ZFAND3: variants seen among roughly 807,000 people sequenced by gnomAD.
The protein encoded by ZFAND3 is AN1-type zinc finger protein 3.
ZFAND3 carries 10 observed loss-of-function variants against 29.6 expected under a neutral mutation model. That is an observed-to-expected ratio of 0.34 (90% CI 0.21 to 0.57). The LOEUF (loss-of-function observed/expected upper bound fraction) is 0.57, where lower values mean the gene tolerates loss of function less well. ZFAND3 is among the 20% of genes least tolerant of loss of function. The probability of loss-of-function intolerance (pLI) is 0.86; values close to 1 mark genes in which losing one functional copy is unlikely to be tolerated. For missense variants in ZFAND3, 230 were observed against 304.5 expected, an observed-to-expected ratio of 0.76 and a Z score of 1.82; for synonymous variants, 128 against 112.6, an observed-to-expected ratio of 1.14 and a Z score of -0.87.
chr6:37,836,156 T>C (rs1438530207), intron 1 of ZFAND3, among the ~76,000 whole-genome samples: 2 of 152,204 alleles, frequency 1.3e-5, no homozygotes. Flanking sequence ...CTCTGTGGGA[T>C]AGAAATGGAG....
chr6:38,027,330 G>A (rs1054911782), intron 2 of ZFAND3, among the ~76,000 whole-genome samples: 13 of 152,174 alleles, frequency 8.5e-5, no homozygotes, highest in Admixed American at 2.6e-4. Flanking sequence ...TTCAGAAACC[G>A]CATGGTGGAT....
rs550221129 is a variant in ZFAND3, at chr6:37,959,329, C to T, written c.112+29330C>T. ...GTAGTGATGGTTTCCTGCAGATGCA[C>T]TTAGTCTGACTTCATCAAAATGGAA... On this transcript the variant is annotated intron_variant, in intron 2 of 5. Transcript: ENST00000287218. Among the ~76,000 whole-genome samples, 3 of 152,314 alleles carry T rather than the reference C, an allele frequency of 2.0e-5. No individual in the cohort carries two copies. The South Asian group carries it at 6.2e-4, about 32-fold the overall frequency.
intron 1 of ZFAND3, among the ~76,000 whole-genome samples, chr6:37,928,514 T>C (rs1008950343): frequency 6.6e-6 from 1 of 152,022 alleles, no homozygotes; most frequent in Non-Finnish European, 1.5e-5. Context: ...GAAAAGTCAT[T>C]ATTATTTATT....
intron 5 of ZFAND3, among the ~76,000 whole-genome samples, chr6:38,131,672 G>T (rs889682141): frequency 8.5e-5 from 13 of 152,122 alleles, no homozygotes; most frequent in African/African-American, 2.4e-4. Context: ...CCCCTTCCTT[G>T]CCAGACTCAA....
intron 2 of ZFAND3, among the ~76,000 whole-genome samples, chr6:38,016,673 A>G (rs1763257816): frequency 6.6e-6 from 1 of 152,236 alleles, no homozygotes; most frequent in African/African-American, 2.4e-5. Context: ...ATGGTAAACA[A>G]GAACACATAC....
intron 1 of ZFAND3, among the ~76,000 whole-genome samples, chr6:37,926,816 T>G (rs1038093625): frequency 6.6e-6 from 1 of 152,166 alleles, no homozygotes; most frequent in Non-Finnish European, 1.5e-5. Context: ...GCAAGTTGAT[T>G]ACACTGCTTT....
intron 2 of ZFAND3, among the ~76,000 whole-genome samples, chr6:38,054,830 C>G (rs542897398): frequency 6.6e-6 from 1 of 152,296 alleles, no homozygotes; most frequent in East Asian, 1.9e-4. Context: ...GCTGTTAACC[C>G]AGATTAACAT....
chr6:37,879,638 TAA>T (rs1192988917), intron 1 of ZFAND3, among the ~76,000 whole-genome samples: 1 of 152,346 alleles, frequency 6.6e-6, no homozygotes. Flanking sequence ...GTGAATATTT[TAA>T]AAGAGTATTC....
At chr6:38,010,365 T>C (rs1283346764) in intron 2 of ZFAND3, among the ~76,000 whole-genome samples, 1 of 152,144 alleles carries the variant, frequency 6.6e-6, no homozygotes, top group African/African-American at 2.4e-5. Flanking sequence ...CCCCTTACCA[T>C]CCTTCTAATG....
chr6:38,064,382 C>T (rs914000481), intron 3 of ZFAND3, among the ~76,000 whole-genome samples: 11 of 152,316 alleles, frequency 7.2e-5, no homozygotes, highest in African/African-American at 2.2e-4. Context: ...TAGATAGTGT[C>T]ATTATACTCA....
At chr6:37,942,143 GA>G (rs1217773002) in intron 2 of ZFAND3, among the ~76,000 whole-genome samples, 2 of 152,122 alleles carry the variant, frequency 1.3e-5, no homozygotes, top group Non-Finnish European at 2.9e-5. Context: ...AGTGGTTACT[GA>G]GTAAGAGTAT....
At chr6:38,125,346 C>T (rs1234608215) in intron 5 of ZFAND3, among the ~76,000 whole-genome samples, 1 of 152,160 alleles carries the variant, frequency 6.6e-6, no homozygotes, top group Non-Finnish European at 1.5e-5. Flanking sequence ...ACACGAACTC[C>T]ATGTATTTAG....
chr6:37,987,220 C>T (rs1339751144), intron 2 of ZFAND3, among the ~76,000 whole-genome samples: 3 of 152,096 alleles, frequency 2.0e-5, no homozygotes, highest in Non-Finnish European at 4.4e-5. Flanking sequence ...GAGAGAAATT[C>T]ATTTTTGTGA....
At position 37,900,108 on chromosome 6, in the gene ZFAND3, A is replaced by G. The variant is rs544780960; in HGVS notation, c.72-29851A>G. ...ATTCAGCATACTTTAGTCTCTTTTT[A>G]TGGACATTTAGGTTATTACCAATCT... is the stretch of plus-strand genomic sequence containing the variant. On this transcript the variant is annotated intron_variant, in intron 1 of 5. Transcript: ENST00000287218. 4.8e-4 allele frequency among the ~76,000 whole-genome samples: 73 copies of G among 152,212 alleles called. 2 individuals are homozygous for G. In the South Asian group the frequency reaches 0.015, roughly 31 times the overall value.
At chr6:38,143,563 C>T (rs9470798) in intron 5 of ZFAND3, among the ~76,000 whole-genome samples, 3 of 152,208 alleles carry the variant, frequency 2.0e-5, no homozygotes, top group Non-Finnish European at 2.9e-5. Flanking sequence ...GATTGCTTCT[C>T]TTTTAAAGCT....
chr6:38,092,141 G>T (rs935298298), intron 4 of ZFAND3, among the ~76,000 whole-genome samples: 4 of 152,138 alleles, frequency 2.6e-5, no homozygotes, highest in African/African-American at 9.7e-5. Flanking sequence ...TCATAATCAT[G>T]GCCGATTAAA....
chr6:37,854,775 C>CG (rs1491066288), intron 1 of ZFAND3, among the ~76,000 whole-genome samples: 12 of 121,080 alleles, frequency 9.9e-5, no homozygotes, highest in African/African-American at 3.6e-4. Flanking sequence ...CCCCCCCCCC[C>CG]CTTTTTTTTT....
intron 1 of ZFAND3, among the ~76,000 whole-genome samples, chr6:37,898,583 A>G (rs1258057271): frequency 6.6e-6 from 1 of 152,234 alleles, no homozygotes; most frequent in Non-Finnish European, 1.5e-5. Flanking sequence ...GAATCTAAGC[A>G]TAGTATATAT....
In ZFAND3 at chr6:38,078,373, A is replaced by G. The variant is rs74886887; in HGVS notation, c.296-4019A>G. ...AAACTTTAAATTGTTGAAACTTGAC[A>G]TTTTTTAAGGAAAAAGTCCTCTGAA... is the stretch of plus-strand genomic sequence containing the variant. On this transcript the variant is annotated intron_variant, in intron 3 of 5. Coordinates refer to ENST00000287218, the MANE Select transcript of ZFAND3 (RefSeq NM_021943.3). Among the ~76,000 whole-genome samples the G allele has an allele frequency of 7.8e-4, 119 of 152,360 alleles. 1 individual carries two copies. In the East Asian group the frequency reaches 0.02, roughly 25 times the overall value.
Sources: allele counts gnomAD v4.1 joint callset (sites outside exome capture counted in the v4.1 genomes callset), GRCh38; gene constraint gnomAD v4.1.1; transcripts MANE v1.5; gene names NCBI Gene and HGNC (gene_info 2026-07-23, HGNC 2026-07-21).